USP13: variants seen among roughly 807,000 people sequenced by gnomAD.
USP13 encodes ubiquitin carboxyl-terminal hydrolase 13.
A neutral mutation model predicts 107.8 loss-of-function variants in USP13; 68 were observed. The observed-to-expected ratio is 0.63, with a 90% CI of 0.52 to 0.77. The LOEUF is 0.77. USP13 is among the 30% of genes least tolerant of loss of function. USP13 has a pLI of 0.00. For missense variants in USP13, 945 were observed against 1,093.3 expected, an observed-to-expected ratio of 0.86 and a Z score of 1.91; for synonymous variants, 377 against 389.5, an observed-to-expected ratio of 0.97 and a Z score of 0.38.
At chr3:179,747,616 G>A (rs1292340228) in intron 13 of USP13, among the ~76,000 whole-genome samples, 1 of 152,152 alleles carries the variant, frequency 6.6e-6, no homozygotes, top group East Asian at 1.9e-4. Flanking sequence ...TTAAAATGGG[G>A]ACTGAGAGGC....
At chr3:179,704,494 C>A (rs1712644226) in intron 4 of USP13, among the ~76,000 whole-genome samples, 2 of 152,176 alleles carry the variant, frequency 1.3e-5, no homozygotes, top group South Asian at 4.1e-4. Context: ...CCAGTGTGAT[C>A]TTCTGTGAAA....
chr3:179,784,338 T>C lies in USP13; in HGVS notation c.*197T>C. 2.1e-6 allele frequency: 1 copy of C among 472,702 alleles called. No homozygotes were observed. Among genetic ancestry groups the C allele is most frequent in the East Asian group, 3.3e-5 (1 of 30,454 alleles). The allele number at this position is 472,702 out of a possible 1,614,324, so 29.3% of individuals were successfully genotyped here. A position where few individuals can be genotyped will look rare whatever the true frequency, so the allele number is the denominator to read the frequency against. ...ATTTCTATTAGTGATGATACACTAT[T>C]ATATTGTAGATAGTTTTTATAAATG... On this transcript the variant is annotated 3_prime_UTR_variant, in exon 21 of 21. Transcript: ENST00000263966.
In USP13 at chr3:179,747,308, AG is replaced by A. The variant is rs1714445028; in HGVS notation, c.1709+2093del. Among the ~76,000 whole-genome samples, 3 of 152,336 alleles carry A rather than the reference AG, an allele frequency of 2.0e-5. No individual in the cohort carries two copies. In the South Asian group the frequency reaches 6.2e-4, roughly 32 times the overall value. On this transcript the variant is annotated intron_variant, in intron 13 of 20. Transcript: ENST00000263966. Reference sequence around the variant, plus strand: ...GCAATTTTTTAAAATCATTGACAGTAGGTTTAAGACTGATTCCTCGAACATT... The same window carrying A: ...GCAATTTTTTAAAATCATTGACAGTAGTTTAAGACTGATTCCTCGAACATT...
rs1715751014 is a variant in USP13 at position 179,781,623 on chromosome 3, G to A, written c.2414-116G>A. On this transcript the variant is annotated intron_variant, in intron 19 of 20. Transcript: ENST00000263966. ...CAACATAGCAAGGTAAATAGACCTTGTCTTTCAAATCTAAACAGTTGCTGG... is the reference window on the plus strand; with the variant it reads ...CAACATAGCAAGGTAAATAGACCTTATCTTTCAAATCTAAACAGTTGCTGG... 4 of 829,874 alleles carry A rather than the reference G, an allele frequency of 4.8e-6. No individual in the cohort carries two copies. The South Asian group carries it at 5.3e-5, about 11-fold the overall frequency. 51.4% of individuals were successfully genotyped at this position (829,874 alleles called of 1,614,324 possible). A position where few individuals can be genotyped will look rare whatever the true frequency, so the allele number is the denominator to read the frequency against.
At chr3:179,763,096 A>G (rs1284973947) in intron 17 of USP13, among the ~76,000 whole-genome samples, 2 of 152,208 alleles carry the variant, frequency 1.3e-5, no homozygotes, top group Non-Finnish European at 2.9e-5. Flanking sequence ...ATTGAGTTCT[A>G]AGAGTTCTTT....
chr3:179,698,001 T>A (rs1438625744), intron 3 of USP13, among the ~76,000 whole-genome samples: 1 of 152,234 alleles, frequency 6.6e-6, no homozygotes, highest in Non-Finnish European at 1.5e-5. Flanking sequence ...ACTCTTTTGA[T>A]ATTCTTGTTT....
intron 2 of USP13, among the ~76,000 whole-genome samples, chr3:179,688,132 T>TCCATCCATCC: frequency 6.0e-5 from 3 of 50,164 alleles, no homozygotes; most frequent in African/African-American, 1.9e-4. Context: ...CATCCATCCA[T>TCCATCCATCC]ATATCCATCC....
chr3:179,704,001 A>G (rs1576938189), intron 4 of USP13, among the ~76,000 whole-genome samples: 1 of 152,208 alleles, frequency 6.6e-6, no homozygotes, highest in African/African-American at 2.4e-5. Context: ...CTGGAGGCTT[A>G]CAAAGGCATG....
intron 11 of USP13, among the ~76,000 whole-genome samples, chr3:179,740,689 C>G (rs1714161129): frequency 1.3e-5 from 2 of 152,096 alleles, no homozygotes. Flanking sequence ...CCTTAAGAGC[C>G]CTGCGTGGTA....
intron 13 of USP13, among the ~76,000 whole-genome samples, chr3:179,750,302 G>A (rs1164096230): frequency 9.0e-6 from 1 of 111,050 alleles, no homozygotes; most frequent in African/African-American, 3.2e-5. Context: ...ATATATGTGT[G>A]TGTATATATA....
intron 4 of USP13, among the ~76,000 whole-genome samples, chr3:179,702,956 A>T (rs1298937899): frequency 6.6e-6 from 1 of 152,196 alleles, no homozygotes; most frequent in Non-Finnish European, 1.5e-5. Flanking sequence ...TTTTCCTTTC[A>T]GCCCCTCATG....
intron 2 of USP13, among the ~76,000 whole-genome samples, chr3:179,685,824 A>G (rs756977850): frequency 7.2e-5 from 11 of 151,890 alleles, no homozygotes; most frequent in Non-Finnish European, 8.8e-5. Flanking sequence ...ATTTATTCCT[A>G]TTTTGATCAT....
At chr3:179,705,575 G>A (rs557725390) in intron 4 of USP13, among the ~76,000 whole-genome samples, 1 of 152,136 alleles carries the variant, frequency 6.6e-6, no homozygotes. Context: ...TATTTTCAAA[G>A]TTTATCTATG....
intron 18 of USP13, 112 bp downstream of exon 18, chr3:179,764,280 C>T (rs1715104982): frequency 7.1e-7 from 1 of 1,409,414 alleles, no homozygotes; most frequent in East Asian, 2.5e-5. Context: ...ATGTTTGATT[C>T]ATCTAACTGT....
rs878870255 is a variant in USP13 at position 179,754,942 on chromosome 3, A to G, written c.1921+88A>G. ...TTTCTTCCACCACTGTGTTGCTGCTACCACCACCACCCATTGGTGGTCTAG... is the reference window on the plus strand; with the variant it reads ...TTTCTTCCACCACTGTGTTGCTGCTGCCACCACCACCCATTGGTGGTCTAG... On this transcript the variant is annotated intron_variant, in intron 15 of 20. Coordinates refer to ENST00000263966, the MANE Select transcript of USP13 (RefSeq NM_003940.3). 2.3e-5 allele frequency: 34 copies of G among 1,457,730 alleles called. No individual in the cohort carries two copies. The South Asian group carries it at 3.9e-4, about 17-fold the overall frequency. 90.3% of individuals were successfully genotyped at this position (1,457,730 alleles called of 1,614,324 possible). A position where few individuals can be genotyped will look rare whatever the true frequency, so the allele number is the denominator to read the frequency against.
At chr3:179,767,749 G>A (rs1715224433) in intron 19 of USP13, among the ~76,000 whole-genome samples, 1 of 152,160 alleles carries the variant, frequency 6.6e-6, no homozygotes, top group Admixed American at 6.5e-5. Context: ...CACATAGAAA[G>A]TACTGAGTAA....
intron 6 of USP13, among the ~76,000 whole-genome samples, chr3:179,710,054 G>T (rs1293111131): frequency 6.6e-6 from 1 of 152,112 alleles, no homozygotes; most frequent in Non-Finnish European, 1.5e-5. Context: ...TCACATTTTA[G>T]AGAATTTTCC....
rs1715930743 is a variant in USP13, at chr3:179,786,985, C to T, written c.*2844C>T. Reference sequence around the variant, plus strand: ...CCAATTGATCTAAATGCCCATATAACTAATCAGAAATCCAGTTTGGTTCAG... The same window carrying T: ...CCAATTGATCTAAATGCCCATATAATTAATCAGAAATCCAGTTTGGTTCAG... On this transcript the variant is annotated 3_prime_UTR_variant, in exon 21 of 21. Transcript: ENST00000263966. 2 of 152,148 alleles carry T rather than the reference C, an allele frequency of 1.3e-5. No homozygotes were observed. Among genetic ancestry groups the T allele is most frequent in the African/African-American group, 4.8e-5 (2 of 41,494 alleles). 9.4% of individuals were successfully genotyped at this position (152,148 alleles called of 1,614,324 possible).
At chr3:179,757,019 G>A (rs767852856) in intron 15 of USP13, 33 bp from the exon 16 acceptor site, 2 of 1,612,702 alleles carry the variant, frequency 1.2e-6, no homozygotes, top group African/African-American at 1.3e-5. Context: ...ACATGGTTTG[G>A]TCTCATTTTC....
Sources: gnomAD v4.1 joint callset for allele counts (sites outside exome capture counted in the v4.1 genomes callset) on GRCh38, gnomAD v4.1.1 for gene constraint, MANE v1.5 for transcripts, NCBI Gene and HGNC (gene_info 2026-07-23, HGNC 2026-07-21) for gene names.